Variants in CELF2 observed in about 807,000 individuals in gnomAD.
CELF2 encodes the protein CUGBP Elav-like family member 2.
CELF2 carries 8 observed loss-of-function variants against 62.6 expected under a neutral mutation model. The observed-to-expected ratio is 0.13, with a 90% CI of 0.07 to 0.23. The LOEUF is 0.23. Among genes scored for constraint, CELF2 ranks in the 10% least tolerant of loss-of-function variants. The pLI, the probability that CELF2 is intolerant of heterozygous loss-of-function variation, is 1.00. For synonymous variants in CELF2, 258 were observed against 250.0 expected (o/e 1.03, Z -0.30); for missense variants, 333 against 671.0 (o/e 0.50, Z 5.56).
At chr10:10,524,719 G>A in the CELF2 span, among the ~76,000 whole-genome samples, 1 of 151,966 alleles carries the variant, frequency 6.6e-6, no homozygotes. Flanking sequence ...TTCAAATGAT[G>A]CCTCACACTT....
At chr10:11,275,760 C>T (rs1037120894) in intron 8 of CELF2, among the ~76,000 whole-genome samples, 2 of 152,194 alleles carry the variant, frequency 1.3e-5, no homozygotes, top group Admixed American at 6.5e-5. Flanking sequence ...TAATGAGCTG[C>T]GCCAGTAGTA....
At chr10:11,036,485 G>T (rs192218358) in intron 1 of CELF2, among the ~76,000 whole-genome samples, 89 of 152,322 alleles carry the variant, frequency 5.8e-4, no homozygotes, top group African/African-American at 2.0e-3. Context: ...TTACCTTTCT[G>T]TGGGGACTGA....
chr10:10,542,225 C>G, the CELF2 span, among the ~76,000 whole-genome samples: 2 of 152,132 alleles, frequency 1.3e-5, no homozygotes, highest in African/African-American at 4.8e-5. Flanking sequence ...TCCAGTTATC[C>G]AGTTTTACAG....
At chr10:11,115,428 G>GTTTTCCCT (rs2056337352) in intron 1 of CELF2, among the ~76,000 whole-genome samples, 1 of 152,102 alleles carries the variant, frequency 6.6e-6, no homozygotes, top group South Asian at 2.1e-4. Flanking sequence ...TTCTTGTAGG[G>GTTTTCCCT]AAAAGAAAGG....
intron 1 of CELF2, among the ~76,000 whole-genome samples, chr10:10,850,711 C>A (rs2059331807): frequency 6.6e-6 from 1 of 152,156 alleles, no homozygotes; most frequent in South Asian, 2.1e-4. Flanking sequence ...TTTATTAATG[C>A]TTTTAATCTT....
the CELF2 span, among the ~76,000 whole-genome samples, chr10:10,543,489 CAGAG>C: frequency 3.3e-5 from 5 of 152,122 alleles, no homozygotes; most frequent in African/African-American, 1.2e-4. Flanking sequence ...AGGAACATCA[CAGAG>C]AAACTCACAT....
chr10:10,619,791 A>AC, the CELF2 span, among the ~76,000 whole-genome samples: 1 of 152,160 alleles, frequency 6.6e-6, no homozygotes, highest in Admixed American at 6.5e-5. Context: ...AGAAATTGAG[A>AC]CCCCATGGGC....
the CELF2 span, among the ~76,000 whole-genome samples, chr10:10,693,914 T>C: frequency 6.6e-6 from 1 of 152,022 alleles, no homozygotes; most frequent in Non-Finnish European, 1.5e-5. Context: ...TTTTCTTTAT[T>C]AGTCTTGCTA....
the CELF2 span, among the ~76,000 whole-genome samples, chr10:10,740,781 A>C: frequency 1.3e-5 from 2 of 152,242 alleles, no homozygotes; most frequent in African/African-American, 4.8e-5. Context: ...CATTTGTGAC[A>C]ACATGGATGA....
chr10:10,609,355 T>C, the CELF2 span, among the ~76,000 whole-genome samples: 478 of 149,186 alleles, frequency 3.2e-3, 2 homozygotes, highest in African/African-American at 0.011. Context: ...TAGCATCCCA[T>C]CCAATAAGTC....
intron 1 of CELF2, among the ~76,000 whole-genome samples, chr10:10,803,486 G>T (rs2054879829): frequency 6.6e-6 from 1 of 152,154 alleles, no homozygotes; most frequent in Non-Finnish European, 1.5e-5. Context: ...TTAGCTATTG[G>T]CAGGGTAGAG....
chr10:11,212,343 C>A (rs779979344), intron 2 of CELF2, among the ~76,000 whole-genome samples: 2 of 152,178 alleles, frequency 1.3e-5, no homozygotes, highest in Admixed American at 1.3e-4. Context: ...GAGGCCCCCC[C>A]GGGCCTGCCT....
At chr10:11,212,592 T>C (rs2062144093) in intron 2 of CELF2, among the ~76,000 whole-genome samples, 1 of 152,212 alleles carries the variant, frequency 6.6e-6, no homozygotes, top group Non-Finnish European at 1.5e-5. Context: ...GACCTAAGAC[T>C]GTGATATTTG....
the CELF2 span, among the ~76,000 whole-genome samples, chr10:10,527,675 T>C: frequency 6.6e-6 from 1 of 152,314 alleles, no homozygotes; most frequent in African/African-American, 2.4e-5. Context: ...AAGCCATCTC[T>C]AGCAGTGATT....
chr10:10,657,618 A>G, the CELF2 span, among the ~76,000 whole-genome samples: 1 of 152,194 alleles, frequency 6.6e-6, no homozygotes, highest in African/African-American at 2.4e-5. Context: ...ATGTAATATG[A>G]ATCCAATTAT....
intron 1 of CELF2, among the ~76,000 whole-genome samples, chr10:10,810,162 A>G (rs2055704056): frequency 6.6e-6 from 1 of 152,266 alleles, no homozygotes; most frequent in East Asian, 1.9e-4. Flanking sequence ...AGACATAAAT[A>G]GAAACCTATG....
intron 1 of CELF2, among the ~76,000 whole-genome samples, chr10:10,849,256 AC>A (rs1300759581): frequency 2.9e-4 from 44 of 151,452 alleles, no homozygotes; most frequent in African/African-American, 9.2e-4. Flanking sequence ...AAAAAAAAAA[AC>A]AAATTAGCTG....
chr10:11,155,184 C>T (rs568072724), intron 1 of CELF2, among the ~76,000 whole-genome samples: 61 of 152,294 alleles, frequency 4.0e-4, no homozygotes, highest in African/African-American at 1.4e-3. Flanking sequence ...TATATATTTC[C>T]CGGCCTCCTT....
chr10:10,792,773 TG>T, the CELF2 span, among the ~76,000 whole-genome samples: 1 of 152,284 alleles, frequency 6.6e-6, no homozygotes, highest in Middle Eastern at 3.4e-3. Flanking sequence ...TCATCTCCCA[TG>T]GCAGTATAGG....
Sources: allele counts gnomAD v4.1 joint callset (sites outside exome capture counted in the v4.1 genomes callset), GRCh38; gene constraint gnomAD v4.1.1; transcripts MANE v1.5; gene names NCBI Gene and HGNC (gene_info 2026-07-23, HGNC 2026-07-21).